Variants in SFXN5 observed in about 807,000 individuals in gnomAD.
SFXN5 encodes sideroflexin 5, also known as sideroflexin-5.
In SFXN5, 43 loss-of-function variants were observed where a neutral mutation model predicts 50.2. That is an observed-to-expected ratio of 0.86 (90% CI 0.67 to 1.11). SFXN5 has a LOEUF of 1.11. Ranked by LOEUF, SFXN5 falls within the 50% of genes least tolerant of loss-of-function variation. The pLI, the probability that SFXN5 is intolerant of heterozygous loss-of-function variation, is 0.00. For missense variants in SFXN5, 463 were observed against 454.1 expected (o/e 1.02, Z -0.18); for synonymous variants, 203 against 185.8 (o/e 1.09, Z -0.75).
At chr2:73,007,861 A>G (rs1224336176) in intron 6 of SFXN5, among the ~76,000 whole-genome samples, 2 of 152,188 alleles carry the variant, frequency 1.3e-5, no homozygotes, top group African/African-American at 4.8e-5. Flanking sequence ...GTTGCTACTT[A>G]AAGGATGTCA....
At chr2:72,984,504 C>T (rs1051830511) in intron 10 of SFXN5, among the ~76,000 whole-genome samples, 1 of 152,090 alleles carries the variant, frequency 6.6e-6, no homozygotes, top group South Asian at 2.1e-4. Flanking sequence ...TAGCCCTGGG[C>T]TGGGCCTGGG....
intron 3 of SFXN5, among the ~76,000 whole-genome samples, chr2:73,038,724 C>G (rs1190926395): frequency 6.6e-6 from 1 of 152,132 alleles, no homozygotes; most frequent in East Asian, 1.9e-4. Context: ...TTTTGTAATA[C>G]TTAGCTTGAA....
In SFXN5 at chr2:72,961,457, C is replaced by G. The variant is rs114407882; in HGVS notation, c.828-209G>C. Among the ~76,000 whole-genome samples the G allele has an allele frequency of 5.4e-3, 816 of 152,328 alleles. 11 individuals carry two copies. Among genetic ancestry groups the G allele is most frequent in the African/African-American group, 0.019 (781 of 41,574 alleles). On this transcript the variant is annotated intron_variant, in intron 12 of 13. Transcript: ENST00000272433. This position sits in a 1 kb window ranked among gnomAD's most constrained non-coding sequence, Gnocchi z 4.4. ...TATCCCAGCGGGTATAGACCCCTAT[C>G]CCAATGTCTTGAAGGACGTTGCTGG...
At chr2:73,059,477 C>T in intron 1 of SFXN5, 10 of 985,378 alleles carry the variant, frequency 1.0e-5, no homozygotes, top group Non-Finnish European at 1.2e-5. Flanking sequence ...TCCACATTCC[C>T]TCCCCTTATT....
At chr2:73,007,505 G>A (rs954343565) in intron 6 of SFXN5, among the ~76,000 whole-genome samples, 2 of 151,962 alleles carry the variant, frequency 1.3e-5, no homozygotes, top group African/African-American at 2.4e-5. Context: ...TCTGTCACGC[G>A]CTCTCCGGCA....
intron 9 of SFXN5, among the ~76,000 whole-genome samples, chr2:72,989,037 G>A (rs1201628273): frequency 6.6e-6 from 1 of 152,174 alleles, no homozygotes; most frequent in Non-Finnish European, 1.5e-5. Context: ...GAGAGCACAG[G>A]CTTTCTCATG....
intron 1 of SFXN5, among the ~76,000 whole-genome samples, chr2:73,069,606 A>G (rs1022725456): frequency 1.3e-5 from 2 of 152,168 alleles, no homozygotes; most frequent in Admixed American, 6.5e-5. Flanking sequence ...GCATACAACA[A>G]ACACTTTTAC....
chr2:72,985,132 A>C (rs1227547865), intron 10 of SFXN5, among the ~76,000 whole-genome samples: 1 of 152,110 alleles, frequency 6.6e-6, no homozygotes, highest in Admixed American at 6.5e-5. Context: ...CACTTTCCCC[A>C]ACCTCCTTCC....
At chr2:73,019,418 C>G (rs202057897) in intron 6 of SFXN5, 1 of 129,870 alleles carries the variant, frequency 7.7e-6, no homozygotes, top group Non-Finnish European at 1.7e-5. Context: ...GCTTGCTTTT[C>G]TTTTTTTTTT....
intron 1 of SFXN5, among the ~76,000 whole-genome samples, chr2:73,058,830 T>A (rs901920554): frequency 1.3e-5 from 2 of 151,924 alleles, no homozygotes; most frequent in Non-Finnish European, 2.9e-5. Flanking sequence ...GCCCATCTGC[T>A]CTTCCAGGTG....
intron 9 of SFXN5, 130 bp from the exon 10 acceptor site, chr2:72,988,478 C>G: frequency 1.3e-6 from 1 of 778,242 alleles, no homozygotes; most frequent in East Asian, 2.7e-5. Context: ...GCACCTCACA[C>G]CCCTAATCCT....
At chr2:73,031,446 G>T (rs1275946265) in intron 3 of SFXN5, among the ~76,000 whole-genome samples, 1 of 151,584 alleles carries the variant, frequency 6.6e-6, no homozygotes, top group African/African-American at 2.5e-5. Context: ...CCTGGAACTT[G>T]AGCTGTTATA....
rs145147038 is a variant in SFXN5 at position 73,030,736 on chromosome 2, C to G, written c.250-7522G>C. On this transcript the variant is annotated intron_variant, in intron 3 of 13. Transcript: ENST00000272433. ...TAGGTATCTCATACAAGTGGAATCA[C>G]ATAGTATTTATTCTTTTGTGACTGT... 4.6e-5 allele frequency among the ~76,000 whole-genome samples: 7 copies of G among 152,318 alleles called. No homozygotes were observed. In the East Asian group the frequency reaches 1.4e-3, roughly 29 times the overall value.
intron 6 of SFXN5, among the ~76,000 whole-genome samples, chr2:73,012,306 T>G (rs1302259658): frequency 6.6e-6 from 1 of 152,176 alleles, no homozygotes; most frequent in Non-Finnish European, 1.5e-5. Context: ...AGAACATTCA[T>G]GTATTACTTG....
intron 10 of SFXN5, among the ~76,000 whole-genome samples, chr2:72,985,446 T>C (rs1177748300): frequency 6.6e-6 from 1 of 151,560 alleles, no homozygotes; most frequent in Non-Finnish European, 1.5e-5. Flanking sequence ...GAGTCCCTGG[T>C]GGGAAAGGGC....
chr2:73,021,618 C>T (rs1291120761), intron 5 of SFXN5, among the ~76,000 whole-genome samples: 1 of 152,168 alleles, frequency 6.6e-6, no homozygotes, highest in Non-Finnish European at 1.5e-5. Context: ...TATTTTCTTG[C>T]CCTCAGTGAG....
intron 12 of SFXN5, among the ~76,000 whole-genome samples, chr2:72,964,141 C>G (rs1052105524): frequency 2.6e-5 from 4 of 152,254 alleles, no homozygotes; most frequent in African/African-American, 9.6e-5. Context: ...AAGGCAGGTC[C>G]CAGCCATGGC....
chr2:73,022,907 TCCTGGCACATGGTAGGTACATAATA>T (rs1677084794), intron 4 of SFXN5, among the ~76,000 whole-genome samples: 1 of 152,176 alleles, frequency 6.6e-6, no homozygotes, highest in Admixed American at 6.5e-5. Flanking sequence ...CTACCCCCAT[TCCTGGCACATGGTAGGTACATAATA>T]AGGATTTTGT....
At chr2:72,963,248 G>A (rs778280171) in intron 12 of SFXN5, among the ~76,000 whole-genome samples, 1 of 152,212 alleles carries the variant, frequency 6.6e-6, no homozygotes, top group Non-Finnish European at 1.5e-5. Context: ...GAGCAGTGAA[G>A]GGTGAGAAAA....
Sources: allele counts gnomAD v4.1 joint callset (sites outside exome capture counted in the v4.1 genomes callset), GRCh38; gene constraint gnomAD v4.1.1; non-coding constraint Gnocchi (gnomAD v3.1); transcripts MANE v1.5; gene names NCBI Gene and HGNC (gene_info 2026-07-23, HGNC 2026-07-21).